The following ZNF248 variants were observed in gnomAD, a reference collection of about 807,000 sequenced individuals.
ZNF248 encodes the protein KRAB protein domain.
ZNF248 carries 20 observed loss-of-function variants against 44.3 expected under a neutral mutation model. The ratio of observed to expected loss-of-function variants is 0.45; its 90% CI spans 0.32 to 0.66. ZNF248 has a LOEUF of 0.66. Ranked by LOEUF, ZNF248 falls within the 30% of genes least tolerant of loss-of-function variation. The pLI, the probability that ZNF248 is intolerant of heterozygous loss-of-function variation, is 0.04. For synonymous variants in ZNF248, 224 were observed against 229.0 expected (o/e 0.98, Z 0.20); for missense variants, 654 against 677.0 (o/e 0.97, Z 0.38).
At chr10:37,776,662 G>C (rs2046607772) in intron 6 of ZNF248, 1 of 391,748 alleles carries the variant, frequency 2.6e-6, no homozygotes, top group Admixed American at 4.4e-5. Context: ...TGAAGGCACT[G>C]ACTATGCTGA....
At position 37,832,902 on chromosome 10, in the gene ZNF248, C is replaced by T. The variant is rs781238674; in HGVS notation, c.453G>A (p.Ser151=). 28 of 1,613,018 alleles carry T rather than the reference C, an allele frequency of 1.7e-5. No individual in the cohort carries two copies. The highest frequency in any genetic ancestry group is 1.7e-4 in the Middle Eastern group (1 of 6,052). The change falls in exon 6 of 6, where the codon TCG becomes TCA. Residue 151 remains serine, a synonymous_variant. Transcript: ENST00000395867. ...DSCEMNLKNI[S]GLIISKKNCS... The stretch of plus-strand genomic sequence containing the variant: ...AGTTCTTTTTACTAATAATTAAGCC[C>T]GAAATATTTTTCAAATTCATTTCAC...
At chr10:37,847,060 G>C (rs925212024) in intron 3 of ZNF248, among the ~76,000 whole-genome samples, 1 of 152,150 alleles carries the variant, frequency 6.6e-6, no homozygotes, top group Non-Finnish European at 1.5e-5. Context: ...GTTTGAGACA[G>C]GGACTCACTC....
chr10:37,801,684 A>G (rs937132030), intron 6 of ZNF248, among the ~76,000 whole-genome samples: 8 of 152,356 alleles, frequency 5.3e-5, no homozygotes, highest in Admixed American at 3.3e-4. Context: ...GCATATTAAA[A>G]TGACAGGGTT....
At chr10:37,839,493 A>G (rs1463186757) in intron 3 of ZNF248, among the ~76,000 whole-genome samples, 3 of 143,718 alleles carry the variant, frequency 2.1e-5, no homozygotes, top group East Asian at 4.0e-4. Context: ...CACCTCTTAT[A>G]CATGTATACA....
the ZNF248 span, among the ~76,000 whole-genome samples, chr10:37,762,913 A>C: frequency 2.0e-5 from 3 of 152,188 alleles, no homozygotes; most frequent in Non-Finnish European, 2.9e-5. Context: ...TATGTACTTG[A>C]TCACTGCATT....
At chr10:37,804,634 G>A (rs1468262665) in intron 6 of ZNF248, among the ~76,000 whole-genome samples, 2 of 152,088 alleles carry the variant, frequency 1.3e-5, no homozygotes, top group African/African-American at 4.8e-5. Context: ...ACAAGGTCTT[G>A]CCATGTTGGC....
the ZNF248 span, among the ~76,000 whole-genome samples, chr10:37,763,262 G>A: frequency 6.6e-3 from 1,012 of 152,296 alleles, 13 homozygotes; most frequent in South Asian, 0.057. Flanking sequence ...GATGATTGTC[G>A]GGTAATTTTC....
Position 37,831,970 on chromosome 10 carries a change from T to G in ZNF248, c.1385A>C (p.Lys462Thr), listed in dbSNP as rs779283959. 4.3e-6 allele frequency: 7 copies of G among 1,614,118 alleles called. No homozygotes were observed. The highest frequency in any genetic ancestry group is 5.9e-6 in the Non-Finnish European group (7 of 1,179,958). ...CCCACATGCATTACATTCATAGGGC[T>G]TCTCCCCTGTGTGTGTTCTCTGATG... ...TEHQRTHTGE[K>T]PYECNACGKS... Residue 462 changes from lysine (K) to threonine (T), a missense_variant, in exon 6 of 6, where the codon AAG becomes ACG. Transcript: ENST00000395867.
At chr10:37,791,995 C>G (rs893150308) in intron 6 of ZNF248, 2 of 152,212 alleles carry the variant, frequency 1.3e-5, no homozygotes, top group Non-Finnish European at 2.9e-5. Flanking sequence ...CTGGGATACT[C>G]TCTTGCAGAA....
chr10:37,818,752 T>C (rs1281139140), intron 6 of ZNF248: 4 of 670,546 alleles, frequency 6.0e-6, no homozygotes, highest in African/African-American at 3.6e-5. Flanking sequence ...CTCCTTTTGG[T>C]AGGCCAAACA....
intron 3 of ZNF248, among the ~76,000 whole-genome samples, chr10:37,851,180 C>T (rs929179633): frequency 6.6e-6 from 1 of 152,104 alleles, no homozygotes; most frequent in Non-Finnish European, 1.5e-5. Flanking sequence ...GAGCTGAAGG[C>T]AAGAAGTAGA....
At chr10:37,824,190 G>C (rs2053975996), downstream of ZNF248, among the ~76,000 whole-genome samples, 1 of 152,108 alleles carries the variant, frequency 6.6e-6, no homozygotes, top group African/African-American at 2.4e-5. Flanking sequence ...TGAGTCTAAA[G>C]GCAGGAAAAA....
chr10:37,852,089 A>C (rs571646907), intron 3 of ZNF248, among the ~76,000 whole-genome samples: 11 of 152,068 alleles, frequency 7.2e-5, no homozygotes, highest in Admixed American at 2.0e-4. Context: ...CTCTACTAAA[A>C]ATACAAAATT....
chr10:37,820,675 C>T (rs2053317429), intron 6 of ZNF248: 1 of 1,411,744 alleles, frequency 7.1e-7, no homozygotes, highest in African/African-American at 1.4e-5. Context: ...GCTGGTCATT[C>T]TGCTTTTTCT....
At chr10:37,783,272 T>C (rs1181442557) in intron 6 of ZNF248, among the ~76,000 whole-genome samples, 1 of 152,162 alleles carries the variant, frequency 6.6e-6, no homozygotes, top group African/African-American at 2.4e-5. Context: ...CCCCATCTTA[T>C]TCCCAGGAAG....
chr10:37,832,147 G>C lies in ZNF248; in HGVS notation c.1208C>G (p.Thr403Arg). 1 of 1,614,088 alleles carries C rather than the reference G, an allele frequency of 6.2e-7. No individual in the cohort carries two copies. The highest frequency in any genetic ancestry group is 8.5e-7 in the Non-Finnish European group (1 of 1,179,966). ...AGTACATTCATAGGGCTTCTCTCCT[G>C]TGTGTGTTCTCTGATGTTGAGTGAG... is the stretch of plus-strand genomic sequence containing the variant. ...SNLTQHQRTH[T>R]GEKPYECTEC... The change falls in exon 6 of 6, where the codon ACA (threonine) becomes AGA (arginine). Residue 403 changes from threonine (T) to arginine (R), a missense_variant. Thr to Arg is a moderately conservative substitution (Grantham distance 71). Transcript: ENST00000395867.
chr10:37,768,186 A>G, the ZNF248 span, among the ~76,000 whole-genome samples: 1 of 152,218 alleles, frequency 6.6e-6, no homozygotes, highest in Non-Finnish European at 1.5e-5. Context: ...GGGAGACTTT[A>G]ACACCCCACT....
At chr10:37,790,983 T>A (rs1219909473) in intron 6 of ZNF248, among the ~76,000 whole-genome samples, 3 of 148,444 alleles carry the variant, frequency 2.0e-5, no homozygotes, top group African/African-American at 4.9e-5. Context: ...AACAGTCAAG[T>A]TCCCACCTTG....
At chr10:37,834,678 C>A (rs2056724800) in intron 5 of ZNF248, among the ~76,000 whole-genome samples, 2 of 152,110 alleles carry the variant, frequency 1.3e-5, no homozygotes, top group Admixed American at 1.3e-4. Context: ...GTCATAAAAT[C>A]TGGGCTATTT....
Sources: allele counts gnomAD v4.1 joint callset (sites outside exome capture counted in the v4.1 genomes callset), GRCh38; gene constraint gnomAD v4.1.1; transcripts MANE v1.5; gene names NCBI Gene and HGNC (gene_info 2026-07-23, HGNC 2026-07-21).